The following CSMD2 variants were observed in gnomAD, a reference collection of about 807,000 sequenced individuals.
CSMD2 encodes CUB and sushi domain-containing protein 2.
In CSMD2, 130 loss-of-function variants were observed where a neutral mutation model predicts 398.5. The observed-to-expected ratio is 0.33, with a 90% CI of 0.28 to 0.38. CSMD2 has a LOEUF of 0.38. CSMD2 is among the 10% of genes least tolerant of loss of function. The pLI is 1.00. For missense variants in CSMD2, 3,829 were observed against 4,764.9 expected (o/e 0.80, Z 5.78); for synonymous variants, 1,828 against 1,908.5 (o/e 0.96, Z 1.10).
chr1:34,113,458 A>C (rs1661297548), intron 1 of CSMD2, among the ~76,000 whole-genome samples: 1 of 152,240 alleles, frequency 6.6e-6, no homozygotes, highest in African/African-American at 2.4e-5. Context: ...GGGTGAACAA[A>C]GCAAGACCAT....
At chr1:33,792,649 TAAAC>T (rs777493528) in intron 10 of CSMD2, 123 bp from the exon 11 acceptor site, 3 of 682,016 alleles carry the variant, frequency 4.4e-6, no homozygotes, top group African/African-American at 1.8e-5. Context: ...GACACCATCC[TAAAC>T]AAACTGACCA....
chr1:33,948,636 C>T (rs565803419), intron 3 of CSMD2, among the ~76,000 whole-genome samples: 6 of 152,256 alleles, frequency 3.9e-5, no homozygotes, highest in African/African-American at 7.2e-5. Context: ...CTCAAGATAC[C>T]GATCCATTTC....
chr1:33,777,189 T>G (rs1329421612), intron 12 of CSMD2, among the ~76,000 whole-genome samples: 1 of 150,966 alleles, frequency 6.6e-6, no homozygotes, highest in Non-Finnish European at 1.5e-5. Flanking sequence ...TGCAGAGGGC[T>G]ACAGGGTCGT....
chr1:33,954,486 C>T (rs984768057), intron 3 of CSMD2, among the ~76,000 whole-genome samples: 1 of 151,994 alleles, frequency 6.6e-6, no homozygotes, highest in African/African-American at 2.4e-5. Flanking sequence ...GTTAAGTCAG[C>T]CTCCGGTAAA....
At chr1:33,888,756 TTTG>T (rs140395748) in intron 5 of CSMD2, among the ~76,000 whole-genome samples, 25 of 148,820 alleles carry the variant, frequency 1.7e-4, no homozygotes, top group African/African-American at 5.2e-4. Flanking sequence ...TCAACTGATT[TTTG>T]TTGTTGTTGT....
intron 44 of CSMD2, among the ~76,000 whole-genome samples, chr1:33,591,460 A>G (rs1269907759): frequency 6.6e-6 from 1 of 152,184 alleles, no homozygotes; most frequent in South Asian, 2.1e-4. Flanking sequence ...TTTTCAGAAC[A>G]TCACAAGGAG....
chr1:33,935,643 G>T, intron 4 of CSMD2, 117 bp downstream of exon 4: 1 of 1,110,316 alleles, frequency 9.0e-7, no homozygotes. Flanking sequence ...CCAGACTTGG[G>T]TACCCCCCTC....
chr1:33,895,577 G>C (rs1201364354), intron 5 of CSMD2, among the ~76,000 whole-genome samples: 2 of 152,162 alleles, frequency 1.3e-5, no homozygotes, highest in Admixed American at 1.3e-4. Flanking sequence ...GGTGGTGGCT[G>C]GGGAAGCGCG....
At chr1:33,798,923 T>C (rs1410437199) in intron 10 of CSMD2, among the ~76,000 whole-genome samples, 1 of 152,220 alleles carries the variant, frequency 6.6e-6, no homozygotes, top group Non-Finnish European at 1.5e-5. Context: ...CTGCAGAGGA[T>C]CTGCCAGCTC....
intron 49 of CSMD2, among the ~76,000 whole-genome samples, chr1:33,577,074 T>C (rs1638307063): frequency 6.6e-6 from 1 of 152,192 alleles, no homozygotes; most frequent in Non-Finnish European, 1.5e-5. Flanking sequence ...CGACACTTCC[T>C]TCCTCTGCCA....
At chr1:34,002,020 T>A (rs1233807612) in intron 3 of CSMD2, among the ~76,000 whole-genome samples, 2 of 152,220 alleles carry the variant, frequency 1.3e-5, no homozygotes, top group Non-Finnish European at 2.9e-5. Context: ...GTTTAATGAT[T>A]CCTTCAACCT....
intron 2 of CSMD2, among the ~76,000 whole-genome samples, chr1:34,063,528 C>G (rs1654761316): frequency 6.6e-6 from 1 of 152,212 alleles, no homozygotes; most frequent in Non-Finnish European, 1.5e-5. Flanking sequence ...CCAAAATCAT[C>G]TCCTTTGACT....
intron 1 of CSMD2, among the ~76,000 whole-genome samples, chr1:34,155,264 C>T (rs1375432306): frequency 6.6e-6 from 1 of 152,190 alleles, no homozygotes; most frequent in Non-Finnish European, 1.5e-5. Flanking sequence ...CTGTGCCTTC[C>T]ACGTAACTCA....
rs185423353 is a variant in CSMD2, at chr1:33,742,715, G to A, written c.2173+565C>T. Among the ~76,000 whole-genome samples the A allele has an allele frequency of 7.7e-3, 1,166 of 152,136 alleles. 15 individuals are homozygous for A. Among genetic ancestry groups the A allele is most frequent in the African/African-American group, 0.027 (1,101 of 41,478 alleles). On this transcript the variant is annotated intron_variant, in intron 14 of 70. Transcript: ENST00000373381. ...ACTTTCAGATGGTGGCCCTCAGAGGGGCTATGAGGAAATTCCCTAAGAGTT... is the reference window on the plus strand; with the variant it reads ...ACTTTCAGATGGTGGCCCTCAGAGGAGCTATGAGGAAATTCCCTAAGAGTT...
intron 2 of CSMD2, among the ~76,000 whole-genome samples, chr1:34,066,567 C>T (rs910600574): frequency 1.3e-5 from 2 of 152,144 alleles, no homozygotes; most frequent in African/African-American, 2.4e-5. Flanking sequence ...GCTGCTAAGG[C>T]CCTGGGGGCT....
intron 45 of CSMD2, 49 bp downstream of exon 45, chr1:33,587,039 C>A: frequency 6.9e-7 from 1 of 1,457,120 alleles, no homozygotes. Flanking sequence ...ACCTTCCCTT[C>A]CTTCCCCAGT....
chr1:33,788,109 G>C (rs1032137406), intron 12 of CSMD2, among the ~76,000 whole-genome samples: 1 of 152,122 alleles, frequency 6.6e-6, no homozygotes, highest in Non-Finnish European at 1.5e-5. Context: ...TTTTATCCCA[G>C]ATAATCCTCA....
Position 34,032,693 on chromosome 1 carries a change from G to T in CSMD2, c.418C>A (p.Gln140Lys), listed in dbSNP as rs879901819. The T allele has an allele frequency of 1.8e-5, 28 of 1,589,290 alleles. No homozygotes were observed. The highest frequency in any genetic ancestry group is 2.2e-5 in the Non-Finnish European group (26 of 1,167,276). ...GCACTAACAATGGTGGCTGGCAGCT[G>T]AAAGCCTGTGAGCCTGAAAGACAAA... ...ENLRTRLTGF[Q>K]LPATIVSAAT... Residue 140 changes from glutamine to lysine, a missense_variant, in exon 3 of 71, where the codon CAG becomes AAG. This residue lies in a region of CSMD2 where 184 missense variants were observed against 217.7 expected (regional missense o/e 0.85). Transcript: ENST00000373381.
chr1:33,852,968 GAA>G (rs1638823555), intron 5 of CSMD2, among the ~76,000 whole-genome samples: 1 of 151,942 alleles, frequency 6.6e-6, no homozygotes, highest in Non-Finnish European at 1.5e-5. Flanking sequence ...GCTTCTTACA[GAA>G]AAAAAAGTTT....
Sources: allele counts gnomAD v4.1 joint callset (sites outside exome capture counted in the v4.1 genomes callset), GRCh38; gene constraint gnomAD v4.1.1; regional missense constraint gnomAD v4.1.1; transcripts MANE v1.5; gene names NCBI Gene and HGNC (gene_info 2026-07-23, HGNC 2026-07-21).